Variants in DLG2 observed in about 807,000 individuals in gnomAD.
DLG2 encodes disks large homolog 2.
DLG2 carries 45 observed loss-of-function variants against 132.5 expected under a neutral mutation model. The ratio of observed to expected loss-of-function variants is 0.34; its 90% CI spans 0.27 to 0.44. DLG2 has a LOEUF of 0.44. Among genes scored for constraint, DLG2 ranks in the 20% least tolerant of loss-of-function variants. The probability of loss-of-function intolerance (pLI) is 1.00; values close to 1 mark genes in which losing one functional copy is unlikely to be tolerated. For missense variants in DLG2, 1,045 were observed against 1,196.9 expected (o/e 0.87, Z 1.87); for synonymous variants, 424 against 419.6 (o/e 1.01, Z -0.13).
intron 6 of DLG2, among the ~76,000 whole-genome samples, chr11:84,743,767 C>A (rs1474658493): frequency 6.6e-6 from 1 of 151,282 alleles, no homozygotes; most frequent in African/African-American, 2.4e-5. Flanking sequence ...TTTTTTGAGA[C>A]AGGCTGGAGT....
chr11:84,877,669 T>C (rs1326729023), intron 6 of DLG2, among the ~76,000 whole-genome samples: 1 of 152,072 alleles, frequency 6.6e-6, no homozygotes, highest in Non-Finnish European at 1.5e-5. Flanking sequence ...AGTCCATGTC[T>C]TTTAATGAGG....
At chr11:85,340,315 A>C (rs2152857214) in intron 3 of DLG2, among the ~76,000 whole-genome samples, 1 of 152,372 alleles carries the variant, frequency 6.6e-6, no homozygotes, top group East Asian at 1.9e-4. Flanking sequence ...AGCTATAAAA[A>C]AGGATGAGTT....
chr11:84,194,483 G>A (rs1395985011), intron 8 of DLG2, among the ~76,000 whole-genome samples: 3 of 152,170 alleles, frequency 2.0e-5, no homozygotes. Flanking sequence ...AACAGTGAAA[G>A]AACAAAGACC....
At chr11:85,164,871 C>T (rs1296360214) in intron 4 of DLG2, among the ~76,000 whole-genome samples, 1 of 152,146 alleles carries the variant, frequency 6.6e-6, no homozygotes, top group African/African-American at 2.4e-5. Context: ...ATACTAAACT[C>T]CTGAGCCACT....
intron 9 of DLG2, among the ~76,000 whole-genome samples, chr11:84,118,178 T>C (rs189028199): frequency 1.3e-5 from 2 of 152,290 alleles, no homozygotes; most frequent in African/African-American, 4.8e-5. Context: ...TAGTAATTCC[T>C]CTAATTAGTA....
chr11:83,822,456 A>C lies in DLG2; in HGVS notation c.1722+11158T>G, dbSNP rs182435406. ...TCAGATATGCTTCTTATTTGGGGACAATTCAAGACAGGAAGGAGGCACAGC... is the reference window on the plus strand; with the variant it reads ...TCAGATATGCTTCTTATTTGGGGACCATTCAAGACAGGAAGGAGGCACAGC... On this transcript the variant is annotated intron_variant, in intron 17 of 27. Coordinates refer to ENST00000376104, the MANE Select transcript of DLG2 (RefSeq NM_001142699.3). 1.8e-3 allele frequency among the ~76,000 whole-genome samples: 277 copies of C among 152,256 alleles called. 3 individuals carry two copies. The highest frequency in any genetic ancestry group is 5.7e-3 in the African/African-American group (237 of 41,520).
At chr11:85,484,593 A>T (rs1283112208) in intron 3 of DLG2, among the ~76,000 whole-genome samples, 1 of 152,116 alleles carries the variant, frequency 6.6e-6, no homozygotes, top group Admixed American at 6.5e-5. Context: ...CAAAAAACAC[A>T]TGAAAAAATG....
At chr11:83,797,818 G>A (rs933785590) in intron 17 of DLG2, among the ~76,000 whole-genome samples, 3 of 152,150 alleles carry the variant, frequency 2.0e-5, no homozygotes, top group African/African-American at 7.2e-5. Context: ...GCACCCGGCC[G>A]CGTTTGCATT....
intron 6 of DLG2, among the ~76,000 whole-genome samples, chr11:84,768,268 A>C (rs557175225): frequency 6.6e-6 from 1 of 152,248 alleles, no homozygotes; most frequent in Non-Finnish European, 1.5e-5. Context: ...TCGTTATTCT[A>C]TAGCTTATGA....
chr11:84,528,675 C>A (rs1007618309), intron 7 of DLG2, among the ~76,000 whole-genome samples: 3 of 152,102 alleles, frequency 2.0e-5, no homozygotes, highest in Admixed American at 2.0e-4. Context: ...TAGTGTTTGA[C>A]CCAAGAATAC....
intron 9 of DLG2, among the ~76,000 whole-genome samples, chr11:84,126,892 G>A (rs2094199740): frequency 6.6e-6 from 1 of 152,066 alleles, no homozygotes; most frequent in Non-Finnish European, 1.5e-5. Flanking sequence ...TACAATGTTG[G>A]GCACATGATG....
intron 6 of DLG2, among the ~76,000 whole-genome samples, chr11:84,605,468 T>C (rs956498623): frequency 3.3e-5 from 5 of 151,822 alleles, no homozygotes; most frequent in African/African-American, 1.2e-4. Context: ...AAAATACTTA[T>C]TAATCTAATA....
intron 17 of DLG2, among the ~76,000 whole-genome samples, chr11:83,787,340 T>TTTTGTTTG (rs66699053): frequency 9.7e-6 from 1 of 102,756 alleles, no homozygotes; most frequent in Non-Finnish European, 1.8e-5. Flanking sequence ...TTTTTTTTTT[T>TTTTGTTTG]AGACAGAGTC....
chr11:85,319,526 T>C (rs537909623), intron 3 of DLG2, among the ~76,000 whole-genome samples: 2 of 151,984 alleles, frequency 1.3e-5, no homozygotes, highest in East Asian at 3.9e-4. Context: ...CACTATCCTC[T>C]ATATCTTGAA....
chr11:83,686,070 C>T (rs1186466721), intron 18 of DLG2, among the ~76,000 whole-genome samples: 1 of 152,136 alleles, frequency 6.6e-6, no homozygotes, highest in Non-Finnish European at 1.5e-5. Context: ...ACATGGATTT[C>T]TGCAACCACC....
intron 6 of DLG2, among the ~76,000 whole-genome samples, chr11:85,008,913 G>T (rs1345549173): frequency 6.6e-6 from 1 of 152,026 alleles, no homozygotes; most frequent in Non-Finnish European, 1.5e-5. Flanking sequence ...CAAGTTCAGT[G>T]GTAGAAAATA....
At chr11:85,256,588 A>G (rs376110444) in intron 4 of DLG2, among the ~76,000 whole-genome samples, 1 of 152,090 alleles carries the variant, frequency 6.6e-6, no homozygotes, top group South Asian at 2.1e-4. Flanking sequence ...ACCCCTAGAC[A>G]CTACCATGGG....
chr11:83,945,236 A>G (rs2083548180), intron 14 of DLG2, among the ~76,000 whole-genome samples: 1 of 152,184 alleles, frequency 6.6e-6, no homozygotes, highest in Non-Finnish European at 1.5e-5. Flanking sequence ...AGACTTCATC[A>G]TTGCGCTACA....
chr11:84,522,556 T>G (rs888316587), intron 7 of DLG2, among the ~76,000 whole-genome samples: 7 of 152,200 alleles, frequency 4.6e-5, no homozygotes, highest in African/African-American at 1.7e-4. Flanking sequence ...GTGACTTTGG[T>G]GAGTCAGCTG....
Sources: gnomAD v4.1 joint callset for allele counts (sites outside exome capture counted in the v4.1 genomes callset) on GRCh38, gnomAD v4.1.1 for gene constraint, MANE v1.5 for transcripts, NCBI Gene and HGNC (gene_info 2026-07-23, HGNC 2026-07-21) for gene names.